NXPE1: variants seen among roughly 807,000 people sequenced by gnomAD.
NXPE1 encodes neurexophilin and PC-esterase domain family member 1, also known as NXPE family member 1.
NXPE1 carries 31 observed loss-of-function variants against 33.3 expected under a neutral mutation model. That is an observed-to-expected ratio of 0.93 (90% confidence interval 0.70 to 1.26). The LOEUF (loss-of-function observed/expected upper bound fraction) is 1.26, where lower values mean the gene tolerates loss of function less well. NXPE1 is among the 50% of genes most tolerant of loss of function. The pLI, the probability that NXPE1 is intolerant of heterozygous loss-of-function variation, is 0.00. For synonymous variants in NXPE1, 229 were observed against 231.4 expected (o/e 0.99, Z 0.09); for missense variants, 661 against 655.6 (o/e 1.01, Z -0.09).
intron 1 of NXPE1, among the ~76,000 whole-genome samples, chr11:114,554,825 AT>A (rs1252394802): frequency 1.3e-5 from 2 of 152,076 alleles, no homozygotes; most frequent in Non-Finnish European, 2.9e-5. Flanking sequence ...TAAAGGTGTT[AT>A]TTTTTTCCCA....
chr11:114,549,607 T>G (rs1054357720), intron 5 of NXPE1, among the ~76,000 whole-genome samples: 1 of 152,030 alleles, frequency 6.6e-6, no homozygotes, highest in Non-Finnish European at 1.5e-5. Flanking sequence ...AATATATACT[T>G]TAACTCAAAA....
chr11:114,559,028 G>A (rs533643421), intron 1 of NXPE1, among the ~76,000 whole-genome samples: 1 of 152,286 alleles, frequency 6.6e-6, no homozygotes, highest in East Asian at 1.9e-4. Flanking sequence ...AGATTTACCT[G>A]TAATATGAAG....
At chr11:114,526,395 C>G (rs1247209817) in intron 7 of NXPE1, 1 of 148,798 alleles carries the variant, frequency 6.7e-6, no homozygotes, top group Non-Finnish European at 1.5e-5. Context: ...GTATTTTTTC[C>G]TTCTATTTAT....
rs576726715 is a variant in NXPE1 at position 114,532,238 on chromosome 11, C to G, written c.100-1330G>C. ...TGAGATATCATTTAAAAAAGATGAA[C>G]AGAACCCACATTGAAGTTTTGAAAA... On this transcript the variant is annotated intron_variant, in intron 5 of 8. Coordinates refer to ENST00000534921, the Ensembl canonical transcript of NXPE1. 5.3e-5 allele frequency among the ~76,000 whole-genome samples: 8 copies of G among 152,270 alleles called. No homozygotes were observed. The East Asian group carries it at 1.5e-3, about 29-fold the overall frequency.
chr11:114,554,461 G>T, intron 1 of NXPE1: 1 of 801,440 alleles, frequency 1.2e-6, no homozygotes, highest in Non-Finnish European at 1.5e-6. Context: ...TCAGTCCTAT[G>T]ACCTCTTTTC....
rs180953672 is a variant in NXPE1 at position 114,530,369 on chromosome 11, G to A, written c.639C>T (p.Thr213=). ...GGCCACATTCAGTGAAGACATGAGA[G>A]GTGCCATTAACAAATTTGCCTTTGA... Residue 213 remains threonine (T), a synonymous_variant, in exon 6 of 9, where the codon ACC becomes ACT. Transcript: ENST00000534921. The A allele has an allele frequency of 4.3e-6, 7 of 1,614,146 alleles. No homozygotes were observed. In the Admixed American group the frequency reaches 1.2e-4, roughly 27 times the overall value.
chr11:114,556,640 T>C (rs2135139933), intron 1 of NXPE1, among the ~76,000 whole-genome samples: 1 of 152,148 alleles, frequency 6.6e-6, no homozygotes, highest in East Asian at 1.9e-4. Flanking sequence ...TCAAATTCCC[T>C]CTAGTTTCTG....
chr11:114,524,430 G>T (rs896917821), intron 7 of NXPE1, among the ~76,000 whole-genome samples: 4 of 152,182 alleles, frequency 2.6e-5, no homozygotes, highest in African/African-American at 4.8e-5. Context: ...TATTGTATTT[G>T]TAACCTATGG....
At chr11:114,558,630 G>T (rs541649906) in intron 1 of NXPE1, among the ~76,000 whole-genome samples, 2 of 152,084 alleles carry the variant, frequency 1.3e-5, no homozygotes, top group Non-Finnish European at 2.9e-5. Flanking sequence ...TATTACATTC[G>T]TATATTTTCT....
chr11:114,551,190 A>G (rs78658939), exon 5 of NXPE1: 14 of 1,533,098 alleles, frequency 9.1e-6, no homozygotes, highest in East Asian at 2.4e-5. Flanking sequence ...GAAGCATTGT[A>G]TTTGAGGACA....
rs906093327 is a variant in NXPE1, at chr11:114,547,721, C to A, written c.99+3382G>T. ...CTGCACTCCAGCCTGGGTGTCAGAG[C>A]AAGACTCTGTCTCAAAAAGGAAAAG... On this transcript the variant is annotated intron_variant, in intron 5 of 8. Coordinates refer to ENST00000534921, the Ensembl canonical transcript of NXPE1. Among the ~76,000 whole-genome samples, 3 of 152,046 alleles carry A rather than the reference C, an allele frequency of 2.0e-5. No homozygotes were observed. The South Asian group carries it at 6.2e-4, about 32-fold the overall frequency.
At chr11:114,522,055 C>T in exon 9 of NXPE1, 2 of 1,613,884 alleles carry the variant, frequency 1.2e-6, no homozygotes, top group African/African-American at 2.7e-5. Context: ...ATGCAATGGT[C>T]ATGTCCCAGG....
Position 114,551,220 on chromosome 11 carries a change from G to T in NXPE1, c.-10-9C>A. On this transcript the variant is annotated splice_polypyrimidine_tract_variant and intron_variant, in intron 4 of 8. Transcript: ENST00000534921. ...AGGACATGACGAATGTCCTAGGAGA[G>T]ATGACACAAGAGAGGAGTCGTGAGA... 6.7e-7 allele frequency: 1 copy of T among 1,491,016 alleles called. No individual in the cohort carries two copies. Among genetic ancestry groups the T allele is most frequent in the Non-Finnish European group, 9.0e-7 (1 of 1,106,660 alleles). The allele number at this position is 1,491,016 out of a possible 1,614,324, so 92.4% of individuals were successfully genotyped here. A position where few individuals can be genotyped will look rare whatever the true frequency, so the allele number is the denominator to read the frequency against.
chr11:114,540,660 G>A (rs1179835266), intron 5 of NXPE1, among the ~76,000 whole-genome samples: 1 of 151,738 alleles, frequency 6.6e-6, no homozygotes, highest in East Asian at 1.9e-4. Context: ...AACTCTGAAC[G>A]AAATGCCAAA....
rs1591260228 is a variant in NXPE1, at chr11:114,528,050, G to A, written c.834-149C>T. The A allele has an allele frequency of 1.6e-5, 9 of 567,044 alleles. No homozygotes were observed. In the East Asian group the frequency reaches 2.7e-4, roughly 17 times the overall value. The allele number at this position is 567,044 out of a possible 1,614,324, so 35.1% of individuals were successfully genotyped here. ...GTAAATTTTAGATATATTGGGTATTGTAAATGAGTGAGGATTTTGGAAGAC... is the reference window on the plus strand; with the variant it reads ...GTAAATTTTAGATATATTGGGTATTATAAATGAGTGAGGATTTTGGAAGAC... On this transcript the variant is annotated intron_variant, in intron 6 of 8. Coordinates refer to ENST00000534921, the Ensembl canonical transcript of NXPE1.
At chr11:114,519,336 T>C (rs552193250), downstream of NXPE1, among the ~76,000 whole-genome samples, 45 of 152,320 alleles carry the variant, frequency 3.0e-4, no homozygotes, top group African/African-American at 1.0e-3. Context: ...TTAACACTTA[T>C]TCCTGGTTGT....
At chr11:114,552,985 G>A in intron 1 of NXPE1, 105 bp from the exon 2 acceptor site, 1 of 366,590 alleles carries the variant, frequency 2.7e-6, no homozygotes, top group Non-Finnish European at 3.8e-6. Flanking sequence ...AAGAAACCTT[G>A]TTCTTCTAAG....
chr11:114,536,320 A>G (rs1434689535), intron 5 of NXPE1, among the ~76,000 whole-genome samples: 1 of 152,256 alleles, frequency 6.6e-6, no homozygotes, highest in African/African-American at 2.4e-5. Flanking sequence ...AATGCCCACA[A>G]GAGAAAGCAG....
intron 1 of NXPE1, among the ~76,000 whole-genome samples, chr11:114,555,231 A>ATT (rs377654965): frequency 6.7e-6 from 1 of 149,884 alleles, no homozygotes; most frequent in African/African-American, 2.4e-5. Flanking sequence ...AGAATACATG[A>ATT]TTTTTTTTTT....
Sources: allele counts gnomAD v4.1 joint callset (sites outside exome capture counted in the v4.1 genomes callset), GRCh38; gene constraint gnomAD v4.1.1; transcripts MANE v1.5; gene names NCBI Gene and HGNC (gene_info 2026-07-23, HGNC 2026-07-21).